The following BMP1 variants were observed in gnomAD, a reference collection of about 807,000 sequenced individuals.
The protein encoded by BMP1 is bone morphogenetic protein 1.
In BMP1, 63 loss-of-function variants were observed where a neutral mutation model predicts 116.8. The ratio of observed to expected loss-of-function variants is 0.54; its 90% CI spans 0.44 to 0.67. The LOEUF is 0.67. Among genes scored for constraint, BMP1 ranks in the 30% least tolerant of loss-of-function variants. BMP1 has a pLI of 0.00. For missense variants in BMP1, 1,183 were observed against 1,358.9 expected (o/e 0.87, Z 2.04); for synonymous variants, 536 against 533.4 (o/e 1.00, Z -0.07).
rs1277327210 is a variant in BMP1, at chr8:22,176,168, C to A, written c.288C>A (p.Ser96Arg). ...AAVPGNTSTP[S>R]CQSTNGQPQR... ...TTCCAGGAAACACTTCTACCCCCAG[C>A]TGCCAGAGCACCAACGGGCAGCCTC... Residue 96 changes from serine (S) to arginine (R), a missense_variant, in exon 3 of 20, where the codon AGC becomes AGA. Transcript: ENST00000306385. 6.2e-7 allele frequency: 1 copy of A among 1,614,194 alleles called. No homozygotes were observed. Among genetic ancestry groups the A allele is most frequent in the Admixed American group, 1.7e-5 (1 of 60,030 alleles).
Position 22,211,539 on chromosome 8 carries a change from G to A in BMP1, c.2827-55G>A, listed in dbSNP as rs117361418. ...AAAGCTGGGGATCTTGGGGAGGCAG[G>A]ACAGCAGCCCCAGCCCCTCTTCCTC... is the stretch of plus-strand genomic sequence containing the variant. On this transcript the variant is annotated intron_variant, in intron 19 of 19. Coordinates refer to ENST00000306385, the MANE Select transcript of BMP1 (RefSeq NM_006129.5). 5.2e-3 allele frequency: 8,336 copies of A among 1,610,074 alleles called. 329 individuals are homozygous for A. The East Asian group carries it at 0.11, about 21-fold the overall frequency.
At chr8:22,191,490 C>G (rs2131877373) in intron 8 of BMP1, among the ~76,000 whole-genome samples, 1 of 152,296 alleles carries the variant, frequency 6.6e-6, no homozygotes, top group Non-Finnish European at 1.5e-5. Context: ...GTAATCCCAG[C>G]ACTTTGGGAG....
At position 22,194,616 on chromosome 8, in the gene BMP1, C is replaced by G; in HGVS notation, c.1443+26C>G. ...GTAGGTCAGTGGCCCTGTGATCTGA[C>G]CTTTGAATCCAGCAGTTGCTCCCTG... is the stretch of plus-strand genomic sequence containing the variant. On this transcript the variant is annotated intron_variant, in intron 11 of 19. Transcript: ENST00000306385. This position sits in a 1 kb window ranked among gnomAD's most constrained non-coding sequence, Gnocchi z 4.5. 1 of 1,611,448 alleles carries G rather than the reference C, an allele frequency of 6.2e-7. No individual in the cohort carries two copies. The highest frequency in any genetic ancestry group is 8.5e-7 in the Non-Finnish European group (1 of 1,178,076).
At chr8:22,177,327 AC>A (rs1442970379) in intron 5 of BMP1, among the ~76,000 whole-genome samples, 188 bp downstream of exon 5, 18 of 152,112 alleles carry the variant, frequency 1.2e-4, no homozygotes, top group African/African-American at 4.3e-4. Flanking sequence ...CAGATCAAGG[AC>A]CCGCATCCAT....
rs754945907 is a variant in BMP1, at chr8:22,179,702, C to T, written c.837-3C>T. 1 of 1,613,982 alleles carries T rather than the reference C, an allele frequency of 6.2e-7. No homozygotes were observed. Among genetic ancestry groups the T allele is most frequent in the South Asian group, 1.1e-5 (1 of 91,056 alleles). On this transcript the variant is annotated splice_polypyrimidine_tract_variant and splice_region_variant and intron_variant, in intron 6 of 19. Transcript: ENST00000306385. The surrounding 1 kb of genome is among the most constrained non-coding windows in gnomAD (Gnocchi z 4.6). ...CACCCTTACTTTTCTCCCTCTTCTTCAGGGGCATCTTCCTGGATACCATTG... is the reference window on the plus strand; with the variant it reads ...CACCCTTACTTTTCTCCCTCTTCTTTAGGGGCATCTTCCTGGATACCATTG...
chr8:22,190,013 C>T (rs1239632867), intron 8 of BMP1, among the ~76,000 whole-genome samples: 2 of 152,006 alleles, frequency 1.3e-5, no homozygotes, highest in African/African-American at 4.8e-5. Flanking sequence ...CTCTGCCTCC[C>T]AGGTTCAAGC....
rs1262108882 is a variant in BMP1, at chr8:22,176,235, C to T, written c.355C>T (p.Arg119Trp). ...CGRWRGRSRS[R>W]RAATSRPERV... is the part of the protein sequence containing the mutation. Reference sequence around the variant, plus strand: ...GAGATGGAGAGGTAGATCCCGTAGCCGGCGGGCGGCGACGTCCCGACCAGA... The same window carrying T: ...GAGATGGAGAGGTAGATCCCGTAGCTGGCGGGCGGCGACGTCCCGACCAGA... Residue 119 changes from arginine to tryptophan, a missense_variant, in exon 3 of 20, where the codon CGG (arginine) becomes TGG (tryptophan). Physicochemically the swap from Arg to Trp is moderately radical, Grantham distance 101 (BLOSUM62 -3). Transcript: ENST00000306385. 5 of 1,613,900 alleles carry T rather than the reference C, an allele frequency of 3.1e-6. No individual in the cohort carries two copies. Among genetic ancestry groups the T allele is most frequent in the Non-Finnish European group, 4.2e-6 (5 of 1,179,946 alleles).
At chr8:22,169,182 G>T (rs1176188266) in intron 1 of BMP1, among the ~76,000 whole-genome samples, 1 of 115,126 alleles carries the variant, frequency 8.7e-6, no homozygotes, top group African/African-American at 3.3e-5. Flanking sequence ...GCAAGACTCT[G>T]TGAAAAAAAA....
chr8:22,170,248 G>C (rs1563236559), intron 1 of BMP1: 1 of 152,502 alleles, frequency 6.6e-6, no homozygotes, highest in East Asian at 1.9e-4. Context: ...CTCTGCACCA[G>C]GGTTTCACTC....
chr8:22,176,506 G>T (rs1161571083), intron 3 of BMP1, 27 bp from the exon 4 acceptor site: 1 of 1,611,456 alleles, frequency 6.2e-7, no homozygotes, highest in Admixed American at 1.7e-5. Flanking sequence ...GGACACCGTG[G>T]CAACCTGGCT....
chr8:22,208,725 A>G (rs1249331192), intron 18 of BMP1, among the ~76,000 whole-genome samples: 1 of 152,150 alleles, frequency 6.6e-6, no homozygotes, highest in African/African-American at 2.4e-5. Flanking sequence ...GCCACGAGGG[A>G]GCTTTGCAGT....
At chr8:22,181,292 G>A (rs1828613305) in intron 8 of BMP1, among the ~76,000 whole-genome samples, 1 of 152,128 alleles carries the variant, frequency 6.6e-6, no homozygotes, top group Non-Finnish European at 1.5e-5. Flanking sequence ...TGCCACGTGG[G>A]GCTGGCTTCG....
Position 22,195,570 on chromosome 8 carries a change from AC to A in BMP1, c.1749del (p.Asp583GlufsTer169), listed in dbSNP as rs1190413364. On this transcript the variant is annotated frameshift_variant, in exon 13 of 20. Coordinates refer to ENST00000306385, the MANE Select transcript of BMP1 (RefSeq NM_006129.5). LOFTEE classifies it high-confidence loss of function. ...SCDPGYELAPDKRRCEAACGG... is the reference protein window; with the variant it reads ...SCDPGYELAPXKRRCEAACGG... ...GACCCCGGGTACGAGCTGGCCCCAG[AC>A]AAGCGCCGCTGTGAGGGTGAGTGCC... The A allele has an allele frequency of 6.2e-7, 1 of 1,612,344 alleles. No individual in the cohort carries two copies. Among genetic ancestry groups the A allele is most frequent in the Non-Finnish European group, 8.5e-7 (1 of 1,179,700 alleles).
chr8:22,199,453 C>A, intron 15 of BMP1: 2 of 1,177,170 alleles, frequency 1.7e-6, no homozygotes, highest in African/African-American at 1.6e-5. Context: ...GCAACCTGCT[C>A]CCCCCAGCTC....
intron 13 of BMP1, 31 bp from the exon 14 acceptor site, chr8:22,196,649 G>T: frequency 1.2e-6 from 2 of 1,612,810 alleles, no homozygotes. Flanking sequence ...GGGGCTCCCC[G>T]CAGACGATGC....
chr8:22,196,776 T>C lies in BMP1; in HGVS notation c.1862T>C (p.Leu621Pro). ...CCCAACAAGAACTGCATCTGGCAGC[T>C]GGTGGCCCCCACCCAGTACCGCATC... The part of the protein sequence containing the change: ...YPPNKNCIWQ[L>P]VAPTQYRISL... The change falls in exon 14 of 20, where the codon CTG (leucine) becomes CCG (proline). Residue 621 changes from leucine (L) to proline (P), a missense_variant. Transcript: ENST00000306385. The C allele has an allele frequency of 6.2e-7, 1 of 1,613,882 alleles. No homozygotes were observed. The highest frequency in any genetic ancestry group is 8.5e-7 in the Non-Finnish European group (1 of 1,179,978).
intron 8 of BMP1, among the ~76,000 whole-genome samples, chr8:22,183,629 C>T (rs58978478): frequency 1.1e-3 from 158 of 143,930 alleles, no homozygotes; most frequent in African/African-American, 3.3e-3. Context: ...ATTATTGAGA[C>T]GTGTTTCATT....
At chr8:22,195,321 G>T in intron 12 of BMP1, 141 bp from the exon 13 acceptor site, 1 of 1,041,564 alleles carries the variant, frequency 9.6e-7, no homozygotes, top group Non-Finnish European at 1.4e-6. Context: ...CCCAGTCCAT[G>T]TGCTCTGAAG....
intron 18 of BMP1, among the ~76,000 whole-genome samples, chr8:22,209,234 C>T (rs1045446538): frequency 6.6e-6 from 1 of 152,208 alleles, no homozygotes; most frequent in Non-Finnish European, 1.5e-5. Context: ...AGCCTCACTG[C>T]CTGTTCCCCT....
Sources: allele counts gnomAD v4.1 joint callset (sites outside exome capture counted in the v4.1 genomes callset), GRCh38; gene constraint gnomAD v4.1.1; non-coding constraint Gnocchi (gnomAD v3.1); transcripts MANE v1.5; gene names NCBI Gene and HGNC (gene_info 2026-07-23, HGNC 2026-07-21).